The following SLC22A23 variants were observed in gnomAD, a reference collection of about 807,000 sequenced individuals.
SLC22A23 encodes the protein solute carrier family 22 member 23.
SLC22A23 carries 26 observed loss-of-function variants against 61.0 expected under a neutral mutation model. That is an observed-to-expected ratio of 0.43 (90% CI 0.31 to 0.59). The LOEUF is 0.59. Ranked by LOEUF, SLC22A23 falls within the 20% of genes least tolerant of loss-of-function variation. SLC22A23 has a pLI of 0.11. For synonymous variants in SLC22A23, 430 were observed against 413.9 expected (o/e 1.04, Z -0.47); for missense variants, 796 against 934.7 (o/e 0.85, Z 1.94).
intron 1 of SLC22A23, among the ~76,000 whole-genome samples, chr6:3,445,259 C>T (rs536338700): frequency 1.1e-4 from 17 of 152,020 alleles, no homozygotes; most frequent in South Asian, 2.1e-4. Flanking sequence ...AGTGCAATGG[C>T]GCCATCTTGG....
chr6:3,346,310 C>T (rs915414242), intron 3 of SLC22A23, among the ~76,000 whole-genome samples: 2 of 152,160 alleles, frequency 1.3e-5, no homozygotes, highest in Non-Finnish European at 2.9e-5. Flanking sequence ...GCAATCACCC[C>T]TGCCCCTCTC....
chr6:3,273,867 C>A (rs1758658731), intron 9 of SLC22A23, among the ~76,000 whole-genome samples: 1 of 152,122 alleles, frequency 6.6e-6, no homozygotes, highest in Non-Finnish European at 1.5e-5. Flanking sequence ...AAGGACATAC[C>A]AACACGAACA....
chr6:3,334,067 C>T (rs1763719748), intron 3 of SLC22A23, among the ~76,000 whole-genome samples: 1 of 152,220 alleles, frequency 6.6e-6, no homozygotes, highest in Non-Finnish European at 1.5e-5. Context: ...TCCATTGTAG[C>T]ATTAGCATAT....
intron 4 of SLC22A23, among the ~76,000 whole-genome samples, chr6:3,311,282 A>C (rs1437201196): frequency 6.6e-6 from 1 of 152,198 alleles, no homozygotes; most frequent in African/African-American, 2.4e-5. Context: ...GTTTCCCTGA[A>C]AGTGATGTGA....
chr6:3,369,891 G>A (rs1766097495), intron 3 of SLC22A23, among the ~76,000 whole-genome samples: 1 of 152,170 alleles, frequency 6.6e-6, no homozygotes, highest in African/African-American at 2.4e-5. Flanking sequence ...TTTTTCTTGT[G>A]AAAATTTCCC....
At chr6:3,441,460 G>A (rs1256669259) in intron 1 of SLC22A23, among the ~76,000 whole-genome samples, 3 of 152,226 alleles carry the variant, frequency 2.0e-5, no homozygotes, top group South Asian at 2.1e-4. Context: ...TCTAGGCCAC[G>A]TCCTCTCTGC....
chr6:3,409,284 C>T (rs1769047014), intron 3 of SLC22A23, among the ~76,000 whole-genome samples: 1 of 152,194 alleles, frequency 6.6e-6, no homozygotes, highest in Admixed American at 6.5e-5. Context: ...TCTGCTCCTT[C>T]CTGTGACAAT....
In SLC22A23 at chr6:3,304,566, TGAAA is replaced by T; in HGVS notation, c.1083-6352_1083-6349del. On this transcript the variant is annotated intron_variant, in intron 4 of 9. Coordinates refer to ENST00000406686, the MANE Select transcript of SLC22A23 (RefSeq NM_015482.2). This position sits in a 1 kb window ranked among gnomAD's most constrained non-coding sequence, Gnocchi z 4.3. ...TGAGCATTGTCACTACAAATCCATC[TGAAA>T]TGGATTTGTCACTACTCACTCAAAT... 1.3e-5 allele frequency among the ~76,000 whole-genome samples: 2 copies of T among 152,344 alleles called. No homozygotes were observed. Among genetic ancestry groups the T allele is most frequent in the Admixed American group, 1.3e-4 (2 of 15,308 alleles).
intron 3 of SLC22A23, among the ~76,000 whole-genome samples, chr6:3,394,980 C>G (rs1333955153): frequency 6.6e-6 from 1 of 152,196 alleles, no homozygotes; most frequent in Non-Finnish European, 1.5e-5. Context: ...TGATGAAAAG[C>G]AGGCACCAAG....
At chr6:3,402,553 T>TACCCAGAGTGCACTAGGCCCCAGCCAACC (rs1768497528) in intron 3 of SLC22A23, among the ~76,000 whole-genome samples, 3 of 44,480 alleles carry the variant, frequency 6.7e-5, no homozygotes, top group South Asian at 6.9e-4. Flanking sequence ...TGCAGCCCAC[T>TACCCAGAGTGCACTAGGCCCCAGCCAACC]CCAATCATCC....
chr6:3,415,800 A>C lies in SLC22A23; in HGVS notation c.710T>G (p.Leu237Arg). 6.4e-7 allele frequency: 1 copy of C among 1,552,130 alleles called. No homozygotes were observed. Among genetic ancestry groups the C allele is most frequent in the Non-Finnish European group, 8.7e-7 (1 of 1,147,064 alleles). ...TAGGTAGCCAAAGATTAATCCAACC[A>C]GTAAGGAGAACTTAGCGATATGGAC... Reference protein sequence around the residue: ...WKVHIAKFSLLVGLIFGYLIT... With the variant: ...WKVHIAKFSLRVGLIFGYLIT... Residue 237 changes from leucine to arginine, a missense_variant, in exon 2 of 10, where the codon CTG becomes CGG. Transcript: ENST00000406686.
In SLC22A23 at chr6:3,273,177, C is replaced by T. The variant is rs371128949; in HGVS notation, c.1939G>A (p.Gly647Arg). 9.3e-6 allele frequency: 15 copies of T among 1,612,916 alleles called. No individual in the cohort carries two copies. Among genetic ancestry groups the T allele is most frequent in the Middle Eastern group, 1.6e-4 (1 of 6,084 alleles). ...TTGGTGAGCAGCAGTGGCTGCTCCC[C>T]CTTCTTGTGCGGCAGCAGCGGCTGG... ...TRQPLLPHKKGEQPLLLTNAE... is the reference protein window; with the variant it reads ...TRQPLLPHKKREQPLLLTNAE... The change falls in exon 10 of 10, where the codon GGG becomes AGG. Residue 647 changes from glycine (G) to arginine (R), a missense_variant. Physicochemically the swap from Gly to Arg is moderately radical, Grantham distance 125 (BLOSUM62 -2). Transcript: ENST00000406686.
intron 3 of SLC22A23, among the ~76,000 whole-genome samples, chr6:3,341,652 C>A (rs903959314): frequency 6.6e-6 from 1 of 152,192 alleles, no homozygotes; most frequent in African/African-American, 2.4e-5. Context: ...GTTCAGCCAG[C>A]ACTTCTGATT....
chr6:3,391,053 C>T (rs934716301), intron 3 of SLC22A23, among the ~76,000 whole-genome samples: 2 of 152,194 alleles, frequency 1.3e-5, no homozygotes, highest in African/African-American at 4.8e-5. Context: ...AAGATCAGCC[C>T]TGTCCCTTCT....
At chr6:3,363,858 C>T (rs1306286253) in intron 3 of SLC22A23, among the ~76,000 whole-genome samples, 1 of 152,262 alleles carries the variant, frequency 6.6e-6, no homozygotes, top group Non-Finnish European at 1.5e-5. Flanking sequence ...ACTAGCTCTA[C>T]ATTCCAAAAG....
intron 1 of SLC22A23, among the ~76,000 whole-genome samples, chr6:3,422,347 C>A (rs1301456808): frequency 6.6e-6 from 1 of 152,174 alleles, no homozygotes; most frequent in African/African-American, 2.4e-5. Flanking sequence ...ACAGAGTCCA[C>A]CCTGGAAGAT....
chr6:3,389,268 C>CAAAAAAAAAAAAA (rs61020784), intron 3 of SLC22A23, among the ~76,000 whole-genome samples: 1 of 32,594 alleles, frequency 3.1e-5, no homozygotes, highest in Non-Finnish European at 4.8e-5. Flanking sequence ...AACTCTGTCT[C>CAAAAAAAAAAAAA]AAAAAAAAAA....
chr6:3,335,041 G>A (rs1022166628), intron 3 of SLC22A23, among the ~76,000 whole-genome samples: 2 of 152,210 alleles, frequency 1.3e-5, no homozygotes, highest in African/African-American at 4.8e-5. Flanking sequence ...AGTTGAGGCT[G>A]ATAGAACGTA....
intron 3 of SLC22A23, among the ~76,000 whole-genome samples, chr6:3,351,719 AG>A (rs908008935): frequency 2.0e-5 from 3 of 152,174 alleles, no homozygotes; most frequent in African/African-American, 7.2e-5. Flanking sequence ...ACTGTACCAC[AG>A]GGTGGGCCCT....
Sources: allele counts gnomAD v4.1 joint callset (sites outside exome capture counted in the v4.1 genomes callset), GRCh38; gene constraint gnomAD v4.1.1; non-coding constraint Gnocchi (gnomAD v3.1); transcripts MANE v1.5; gene names NCBI Gene and HGNC (gene_info 2026-07-23, HGNC 2026-07-21).